Variants in PAMR1 observed in about 807,000 individuals in gnomAD.
The protein encoded by PAMR1 is peptidase domain containing associated with muscle regeneration 1.
Under a neutral mutation model 81.8 loss-of-function variants are expected in PAMR1, and 88 were observed. The observed-to-expected ratio is 1.08, with a 90% CI of 0.91 to 1.28. The LOEUF is 1.28. PAMR1 is among the 50% of genes most tolerant of loss of function. The pLI is 0.00. For missense variants in PAMR1, 935 were observed against 919.7 expected, an observed-to-expected ratio of 1.02 and a Z score of -0.21; for synonymous variants, 336 against 345.3, an observed-to-expected ratio of 0.97 and a Z score of 0.30.
At chr11:35,480,067 A>G (rs932719747) in intron 3 of PAMR1, among the ~76,000 whole-genome samples, 30 of 152,156 alleles carry the variant, frequency 2.0e-4, no homozygotes, top group African/African-American at 6.8e-4. Context: ...TGCCTCCCCC[A>G]TGACGCAGTT....
rs1855939617 is a variant in PAMR1, at chr11:35,432,710, G to A, written c.1809C>T (p.Val603=). 6.2e-6 allele frequency: 10 copies of A among 1,613,966 alleles called. No homozygotes were observed. Among genetic ancestry groups the A allele is most frequent in the African/African-American group, 1.3e-5 (1 of 75,054 alleles). The part of the protein sequence containing the change: ...ESHITVAGWN[V]LADVRSPGFK... Reference sequence around the variant, plus strand: ...AGCCAGGGCTCCTCACGTCTGCCAGGACATTCCAGCCAGCCACAGTGATGT... The same window carrying A: ...AGCCAGGGCTCCTCACGTCTGCCAGAACATTCCAGCCAGCCACAGTGATGT... The change falls in exon 11 of 11, where the codon GTC becomes GTT. Residue 603 remains valine (V), a synonymous_variant. Transcript: ENST00000619888.
In PAMR1 at chr11:35,525,578, A is replaced by T. The variant is rs541046215; in HGVS notation, c.8T>A (p.Leu3Gln). ...GAGCCCCAACTGCGTCCAGCAACCC[A>T]GCTCCATCCTTGCCGCGGCTGGTGC... ME[L>Q]GCWTQLGLTF... The change falls in exon 1 of 11, where the codon CTG becomes CAG. Residue 3 changes from leucine to glutamine, a missense_variant. Transcript: ENST00000619888. 4 of 1,613,872 alleles carry T rather than the reference A, an allele frequency of 2.5e-6. No homozygotes were observed. In the South Asian group the frequency reaches 4.4e-5, roughly 18 times the overall value.
intron 6 of PAMR1, among the ~76,000 whole-genome samples, chr11:35,464,410 G>A (rs1487627945): frequency 2.6e-5 from 4 of 152,150 alleles, no homozygotes; most frequent in Non-Finnish European, 4.4e-5. Context: ...TTTAAAACAA[G>A]GTTTTTCAAC....
chr11:35,453,691 G>A (rs766564135), intron 6 of PAMR1, among the ~76,000 whole-genome samples: 3 of 152,038 alleles, frequency 2.0e-5, no homozygotes, highest in Admixed American at 6.6e-5. Flanking sequence ...TTTGTGTCTC[G>A]CCATTGAACT....
chr11:35,470,900 A>G, intron 4 of PAMR1, 82 bp from the exon 5 acceptor site: 1 of 932,040 alleles, frequency 1.1e-6, no homozygotes, highest in Non-Finnish European at 1.7e-6. Context: ...AGGCCAGATG[A>G]GGAACAGGCC....
intron 6 of PAMR1, among the ~76,000 whole-genome samples, chr11:35,467,516 C>T (rs549535511): frequency 1.3e-5 from 2 of 152,326 alleles, no homozygotes; most frequent in South Asian, 4.1e-4. Context: ...ATTCAAGACA[C>T]TTTGCTCACG....
intron 5 of PAMR1, among the ~76,000 whole-genome samples, chr11:35,468,427 A>AT (rs1318200214): frequency 6.6e-6 from 1 of 152,220 alleles, no homozygotes; most frequent in Non-Finnish European, 1.5e-5. Flanking sequence ...TCTCTCCCAT[A>AT]GGGGTTTCAG....
At chr11:35,480,949 GT>G (rs1319393431) in intron 3 of PAMR1, among the ~76,000 whole-genome samples, 7 of 152,194 alleles carry the variant, frequency 4.6e-5, no homozygotes, top group African/African-American at 1.4e-4. Flanking sequence ...GTGAGAACAT[GT>G]GGTGGTTGGT....
intron 9 of PAMR1, 130 bp from the exon 10 acceptor site, chr11:35,434,934 A>T: frequency 2.5e-6 from 2 of 812,924 alleles, no homozygotes; most frequent in Non-Finnish European, 3.8e-6. Context: ...TAAGATAAGT[A>T]ACCCAGTTTT....
At chr11:35,482,035 T>A (rs1477571392) in intron 3 of PAMR1, among the ~76,000 whole-genome samples, 10 of 152,224 alleles carry the variant, frequency 6.6e-5, no homozygotes. Context: ...AGCTTTTTAG[T>A]CTAATTAGGT....
intron 3 of PAMR1, among the ~76,000 whole-genome samples, chr11:35,479,392 T>C (rs1850341133): frequency 6.6e-6 from 1 of 152,242 alleles, no homozygotes. Context: ...CCTGCAACAA[T>C]GTGTTTTTCT....
intron 1 of PAMR1, among the ~76,000 whole-genome samples, chr11:35,524,847 T>C (rs761590041): frequency 6.6e-6 from 1 of 152,168 alleles, no homozygotes; most frequent in Non-Finnish European, 1.5e-5. Context: ...GAAAATGATA[T>C]ATGAAAACCA....
chr11:35,432,608 A>G lies in PAMR1; in HGVS notation c.1911T>C (p.His637=), dbSNP rs761316229. ...SLLCEEQHED[H]GIPVSVTDNM... is the part of the protein sequence containing the mutation. Reference sequence around the variant, plus strand: ...TATCAGTGACACTCACTGGGATGCCATGGTCCTCATGCTGCTCCTCACACA... The same window carrying G: ...TATCAGTGACACTCACTGGGATGCCGTGGTCCTCATGCTGCTCCTCACACA... The change falls in exon 11 of 11, where the codon CAT becomes CAC. Residue 637 remains histidine, a synonymous_variant. Coordinates refer to ENST00000619888, the MANE Select transcript of PAMR1 (RefSeq NM_001001991.3). 3 of 1,614,108 alleles carry G rather than the reference A, an allele frequency of 1.9e-6. No homozygotes were observed. The South Asian group carries it at 3.3e-5, about 18-fold the overall frequency.
At chr11:35,493,427 C>T (rs1290988873) in intron 2 of PAMR1, among the ~76,000 whole-genome samples, 1 of 152,062 alleles carries the variant, frequency 6.6e-6, no homozygotes, top group Non-Finnish European at 1.5e-5. Flanking sequence ...CTCTCACTCT[C>T]CCTCTCCTTC....
At chr11:35,457,689 A>G (rs1434871154) in intron 6 of PAMR1, among the ~76,000 whole-genome samples, 1 of 152,140 alleles carries the variant, frequency 6.6e-6, no homozygotes, top group East Asian at 1.9e-4. Flanking sequence ...TTAGGTGACA[A>G]TCTTAGGAAG....
intron 3 of PAMR1, among the ~76,000 whole-genome samples, chr11:35,483,038 A>G (rs1197237333): frequency 6.6e-6 from 1 of 152,142 alleles, no homozygotes; most frequent in Non-Finnish European, 1.5e-5. Flanking sequence ...TCTTGAATGT[A>G]GATCTTATTT....
chr11:35,508,013 A>G (rs1851002129), intron 1 of PAMR1, among the ~76,000 whole-genome samples: 1 of 152,144 alleles, frequency 6.6e-6, no homozygotes, highest in African/African-American at 2.4e-5. Flanking sequence ...GTGCCACTGA[A>G]TCACCACTCT....
chr11:35,474,894 A>C (rs1351438679), intron 3 of PAMR1, 150 bp from the exon 4 acceptor site: 6 of 598,720 alleles, frequency 1.0e-5, no homozygotes, highest in Non-Finnish European at 1.7e-5. Flanking sequence ...TTTCTCAAGC[A>C]GCTGGCAATG....
intron 5 of PAMR1, among the ~76,000 whole-genome samples, chr11:35,469,863 A>C (rs548903332): frequency 6.6e-6 from 1 of 152,184 alleles, no homozygotes; most frequent in South Asian, 2.1e-4. Context: ...ATGCAATCTG[A>C]TCTCAGAACG....
Sources: gnomAD v4.1 joint callset for allele counts (sites outside exome capture counted in the v4.1 genomes callset) on GRCh38, gnomAD v4.1.1 for gene constraint, MANE v1.5 for transcripts, NCBI Gene and HGNC (gene_info 2026-07-23, HGNC 2026-07-21) for gene names.